The following DENND1A variants were observed in gnomAD, a reference collection of about 807,000 sequenced individuals.
The protein encoded by DENND1A is DENN domain-containing protein 1A.
A neutral mutation model predicts 113.7 loss-of-function variants in DENND1A; 51 were observed. The ratio of observed to expected loss-of-function variants is 0.45; its 90% confidence interval spans 0.36 to 0.57. The LOEUF is 0.57. Among genes scored for constraint, DENND1A ranks in the 20% least tolerant of loss-of-function variants. The pLI is 0.00. For missense variants in DENND1A, 1,258 were observed against 1,395.9 expected, an observed-to-expected ratio of 0.90 and a Z score of 1.57; for synonymous variants, 565 against 570.8, an observed-to-expected ratio of 0.99 and a Z score of 0.14.
At chr9:123,617,367 G>GCA (rs1277728979) in intron 10 of DENND1A, among the ~76,000 whole-genome samples, 1 of 152,160 alleles carries the variant, frequency 6.6e-6, no homozygotes, top group African/African-American at 2.4e-5. Context: ...TGTCCAGTGG[G>GCA]CACTGGAGAT....
intron 1 of DENND1A, among the ~76,000 whole-genome samples, chr9:123,920,139 A>G (rs1174042632): frequency 6.6e-6 from 1 of 152,068 alleles, no homozygotes; most frequent in African/African-American, 2.4e-5. Flanking sequence ...AGAATAAAAA[A>G]TCACTTTAAG....
chr9:123,868,294 G>C (rs374673944), intron 2 of DENND1A, among the ~76,000 whole-genome samples: 2 of 152,224 alleles, frequency 1.3e-5, no homozygotes, highest in African/African-American at 4.8e-5. Context: ...TTAATGGATA[G>C]ACTCTGAGAA....
At chr9:123,413,677 C>T in intron 19 of DENND1A, 1 of 985,478 alleles carries the variant, frequency 1.0e-6, no homozygotes. Context: ...AGATCCTATG[C>T]CATTAGCTGG....
intron 5 of DENND1A, among the ~76,000 whole-genome samples, chr9:123,754,695 G>A (rs922042083): frequency 1.3e-5 from 2 of 152,084 alleles, no homozygotes; most frequent in East Asian, 1.9e-4. Context: ...TTAACCCACC[G>A]AATTTTTCTC....
intron 13 of DENND1A, among the ~76,000 whole-genome samples, chr9:123,504,130 G>T (rs2052716564): frequency 6.6e-6 from 1 of 152,140 alleles, no homozygotes; most frequent in Admixed American, 6.5e-5. Flanking sequence ...ACACAGAAAT[G>T]ATCATTTTGC....
rs1176941789 is a variant in DENND1A at position 123,454,921 on chromosome 9, C to G, written c.1187-142G>C. The G allele has an allele frequency of 1.6e-5, 12 of 728,744 alleles. No individual in the cohort carries two copies. The South Asian group carries it at 2.1e-4, about 13-fold the overall frequency. 45.1% of individuals were successfully genotyped at this position (728,744 alleles called of 1,614,324 possible). On this transcript the variant is annotated intron_variant, in intron 15 of 23. Transcript: ENST00000394215. ...GGAGTGCAGTGGTGCGATCTCAGCT[C>G]CTGGGTTCAAGCAATTCTCCTGCCT...
At chr9:123,401,639 T>A in intron 21 of DENND1A, 2 of 1,446,282 alleles carry the variant, frequency 1.4e-6, no homozygotes, top group African/African-American at 2.9e-5. Context: ...CCAACAGAAG[T>A]AGAAAACAGG....
intron 20 of DENND1A, among the ~76,000 whole-genome samples, chr9:123,407,209 G>C (rs895276507): frequency 6.6e-6 from 1 of 151,972 alleles, no homozygotes; most frequent in Non-Finnish European, 1.5e-5. Flanking sequence ...GGAGGCTGGG[G>C]AGGGAGAGAA....
intron 12 of DENND1A, among the ~76,000 whole-genome samples, chr9:123,576,193 T>C (rs2058626023): frequency 6.6e-6 from 1 of 152,214 alleles, no homozygotes; most frequent in Non-Finnish European, 1.5e-5. Flanking sequence ...AGTTTTTGTA[T>C]ACAGGTAACG....
At chr9:123,704,152 GAA>G (rs140590007) in intron 5 of DENND1A, among the ~76,000 whole-genome samples, 4 of 144,726 alleles carry the variant, frequency 2.8e-5, no homozygotes, top group African/African-American at 1.0e-4. Flanking sequence ...AAAATAAAAT[GAA>G]AAAAAAAAAT....
At chr9:123,397,867 C>G (rs1237662118) in intron 21 of DENND1A, among the ~76,000 whole-genome samples, 1 of 152,228 alleles carries the variant, frequency 6.6e-6, no homozygotes, top group East Asian at 1.9e-4. Context: ...GGCAGCAGCC[C>G]TGGGCCCTGG....
At chr9:123,819,023 T>C (rs2132577976) in intron 2 of DENND1A, among the ~76,000 whole-genome samples, 1 of 152,296 alleles carries the variant, frequency 6.6e-6, no homozygotes, top group East Asian at 1.9e-4. Context: ...TACAAATTCT[T>C]AGGCCCACAC....
intron 12 of DENND1A, among the ~76,000 whole-genome samples, chr9:123,578,991 T>C (rs1052855612): frequency 6.6e-6 from 1 of 152,128 alleles, no homozygotes; most frequent in African/African-American, 2.4e-5. Context: ...TGAAACAACA[T>C]GTAAATTTGG....
At position 123,728,915 on chromosome 9, in the gene DENND1A, A is replaced by G. The variant is rs1285420248; in HGVS notation, c.302+28788T>C. On this transcript the variant is annotated intron_variant, in intron 5 of 23. Transcript: ENST00000394215. ...CAGCAGCACATTAAAAAGCTTATCC[A>G]CCACGATCAAGTCAGCTTCATCCCT... is the stretch of plus-strand genomic sequence containing the variant. Among the ~76,000 whole-genome samples, 3 of 152,206 alleles carry G rather than the reference A, an allele frequency of 2.0e-5. No homozygotes were observed. In the East Asian group the frequency reaches 5.8e-4, roughly 29 times the overall value.
intron 21 of DENND1A, among the ~76,000 whole-genome samples, chr9:123,396,277 G>C (rs1430911295): frequency 6.6e-6 from 1 of 152,252 alleles, no homozygotes; most frequent in African/African-American, 2.4e-5. Flanking sequence ...ATAGCCTCCA[G>C]GCTGGTGCCT....
intron 1 of DENND1A, among the ~76,000 whole-genome samples, chr9:123,921,438 A>G (rs1319775439): frequency 6.6e-6 from 1 of 152,184 alleles, no homozygotes; most frequent in Admixed American, 6.5e-5. Context: ...GAGTTCAAGA[A>G]CTGCCAGCGT....
intron 12 of DENND1A, among the ~76,000 whole-genome samples, chr9:123,566,913 C>CCACACACACA (rs59984497): frequency 0.24 from 35,890 of 147,170 alleles, 4,324 homozygotes; most frequent in Admixed American, 0.26. Context: ...CTTTAACACA[C>CCACACACACA]CACACACACA....
In DENND1A at chr9:123,381,277, G is replaced by A. The variant is rs941049676; in HGVS notation, c.*155C>T. 2 of 692,596 alleles carry A rather than the reference G, an allele frequency of 2.9e-6. No homozygotes were observed. Among genetic ancestry groups the A allele is most frequent in the East Asian group, 5.4e-5 (2 of 36,768 alleles). The allele number at this position is 692,596 out of a possible 1,614,324, so 42.9% of individuals were successfully genotyped here. A position where few individuals can be genotyped will look rare whatever the true frequency, so the allele number is the denominator to read the frequency against. ...TTCCCCAGGGCCAGACATCAGAGAT[G>A]GGCAGTGTGGAGGGGAGGAGGGGGC... On this transcript the variant is annotated 3_prime_UTR_variant, in exon 24 of 24. Transcript: ENST00000394215. The surrounding 1 kb of genome is among the most constrained non-coding windows in gnomAD (Gnocchi z 4.7).
chr9:123,873,308 A>G (rs1431033708), intron 2 of DENND1A, among the ~76,000 whole-genome samples: 1 of 152,210 alleles, frequency 6.6e-6, no homozygotes, highest in Admixed American at 6.5e-5. Context: ...AAAGTGTTCC[A>G]ATTCAGTGTT....
Sources: gnomAD v4.1 joint callset for allele counts (sites outside exome capture counted in the v4.1 genomes callset) on GRCh38, gnomAD v4.1.1 for gene constraint, Gnocchi (gnomAD v3.1) non-coding constraint, MANE v1.5 for transcripts, NCBI Gene and HGNC (gene_info 2026-07-23, HGNC 2026-07-21) for gene names.